The following SLC35F1 variants were observed in gnomAD, a reference collection of about 807,000 sequenced individuals.
SLC35F1 encodes the protein chromosome 6 open reading frame 169.
A neutral mutation model predicts 48.7 loss-of-function variants in SLC35F1; 14 were observed. The observed-to-expected ratio is 0.29, with a 90% confidence interval of 0.19 to 0.45. SLC35F1 has a LOEUF of 0.45. Among genes scored for constraint, SLC35F1 ranks in the 20% least tolerant of loss-of-function variants. The pLI is 1.00. For missense variants in SLC35F1, 404 were observed against 500.0 expected (o/e 0.81, Z 1.83); for synonymous variants, 190 against 202.2 (o/e 0.94, Z 0.51).
intron 1 of SLC35F1, among the ~76,000 whole-genome samples, chr6:117,987,889 C>T (rs1369027619): frequency 6.6e-6 from 1 of 152,038 alleles, no homozygotes; most frequent in African/African-American, 2.4e-5. Flanking sequence ...ATTTTGCAGT[C>T]CAGGCAGTGA....
chr6:118,243,843 A>G (rs184686912), intron 3 of SLC35F1, among the ~76,000 whole-genome samples: 407 of 152,304 alleles, frequency 2.7e-3, no homozygotes, highest in Non-Finnish European at 4.6e-3. Context: ...TGCTGTTTTT[A>G]CCTGTCCCTG....
intron 1 of SLC35F1, among the ~76,000 whole-genome samples, chr6:118,009,106 A>C (rs747735659): frequency 2.0e-5 from 3 of 152,066 alleles, no homozygotes; most frequent in Non-Finnish European, 4.4e-5. Context: ...TACTCTGGTG[A>C]TTTTGGTGTG....
chr6:117,928,228 G>A (rs1392935074), intron 1 of SLC35F1, among the ~76,000 whole-genome samples: 2 of 152,104 alleles, frequency 1.3e-5, no homozygotes, highest in African/African-American at 4.8e-5. Context: ...ATATAGAACT[G>A]CCATTCACAG....
At chr6:117,965,881 T>A (rs139289538) in intron 1 of SLC35F1, among the ~76,000 whole-genome samples, 409 of 152,080 alleles carry the variant, frequency 2.7e-3, no homozygotes, top group African/African-American at 9.5e-3. Context: ...GCGCTATGTC[T>A]AACTGATCGG....
chr6:118,082,281 GTTTAGT>G (rs931549970), intron 1 of SLC35F1, among the ~76,000 whole-genome samples: 1 of 152,164 alleles, frequency 6.6e-6, no homozygotes, highest in Non-Finnish European at 1.5e-5. Flanking sequence ...TAAGAACAAA[GTTTAGT>G]TTTAAAGATG....
chr6:118,219,105 A>G (rs1322706350), intron 2 of SLC35F1, among the ~76,000 whole-genome samples: 2 of 152,200 alleles, frequency 1.3e-5, no homozygotes, highest in African/African-American at 4.8e-5. Context: ...GAGCTGACTC[A>G]CTAGTGCCAC....
chr6:118,067,123 A>G (rs1052920645), intron 1 of SLC35F1, among the ~76,000 whole-genome samples: 3 of 152,210 alleles, frequency 2.0e-5, no homozygotes, highest in African/African-American at 7.2e-5. Flanking sequence ...GTGCACAATT[A>G]TTTGTGAAAG....
At chr6:118,104,461 CA>C (rs1210021533) in intron 1 of SLC35F1, among the ~76,000 whole-genome samples, 1 of 152,122 alleles carries the variant, frequency 6.6e-6, no homozygotes, top group East Asian at 1.9e-4. Context: ...AGCACAGTGA[CA>C]AACACAGTAA....
At chr6:118,223,434 A>G (rs188842946) in intron 2 of SLC35F1, among the ~76,000 whole-genome samples, 52 of 152,328 alleles carry the variant, frequency 3.4e-4, no homozygotes, top group Admixed American at 1.6e-3. Flanking sequence ...CATTTTATAA[A>G]TAGTAGACTT....
At chr6:118,111,297 T>C (rs1773396153) in intron 1 of SLC35F1, among the ~76,000 whole-genome samples, 1 of 152,138 alleles carries the variant, frequency 6.6e-6, no homozygotes, top group Admixed American at 6.6e-5. Context: ...TATATCATAT[T>C]CACACTGCAG....
chr6:118,027,940 G>A (rs868656966), intron 1 of SLC35F1, among the ~76,000 whole-genome samples: 1 of 151,992 alleles, frequency 6.6e-6, no homozygotes, highest in Non-Finnish European at 1.5e-5. Context: ...CCTAACCCAA[G>A]GGGATTACAA....
At chr6:118,112,155 T>C in intron 1 of SLC35F1, among the ~76,000 whole-genome samples, 1 of 149,678 alleles carries the variant, frequency 6.7e-6, no homozygotes, top group Non-Finnish European at 1.5e-5. Context: ...TTTGAGACGG[T>C]GTCTTGTTCT....
At chr6:118,309,324 C>T (rs181368260) in intron 7 of SLC35F1, among the ~76,000 whole-genome samples, 49 of 152,048 alleles carry the variant, frequency 3.2e-4, no homozygotes, top group Admixed American at 3.0e-3. Flanking sequence ...TACAGGCATG[C>T]ATTACCACAC....
intron 2 of SLC35F1, among the ~76,000 whole-genome samples, chr6:118,182,286 G>A (rs535188163): frequency 2.2e-3 from 337 of 151,734 alleles, no homozygotes; most frequent in Non-Finnish European, 3.4e-3. Flanking sequence ...AGGAACTCGA[G>A]ACCAGCATGG....
intron 2 of SLC35F1, among the ~76,000 whole-genome samples, chr6:118,179,878 C>T (rs1774547324): frequency 6.6e-6 from 1 of 152,138 alleles, no homozygotes; most frequent in East Asian, 1.9e-4. Context: ...TGTTCTAGAA[C>T]CTGGGTTTTA....
At chr6:118,115,858 T>C (rs1423614136) in intron 1 of SLC35F1, among the ~76,000 whole-genome samples, 2 of 152,236 alleles carry the variant, frequency 1.3e-5, no homozygotes, top group Non-Finnish European at 2.9e-5. Context: ...TCATATCCAA[T>C]ATACATTTGG....
intron 1 of SLC35F1, among the ~76,000 whole-genome samples, chr6:118,037,360 G>A (rs895193255): frequency 6.6e-6 from 1 of 151,916 alleles, no homozygotes; most frequent in Non-Finnish European, 1.5e-5. Context: ...TTGGATATGG[G>A]TTTACATTTT....
At chr6:118,129,871 A>G (rs1407896727) in intron 1 of SLC35F1, among the ~76,000 whole-genome samples, 3 of 152,180 alleles carry the variant, frequency 2.0e-5, no homozygotes, top group Non-Finnish European at 2.9e-5. Context: ...AGTAGCTGTA[A>G]AAGCCATATG....
At chr6:118,142,244 CATT>C (rs1382980518) in intron 1 of SLC35F1, among the ~76,000 whole-genome samples, 2 of 152,106 alleles carry the variant, frequency 1.3e-5, no homozygotes, top group Non-Finnish European at 2.9e-5. Context: ...GCCCCCTCAT[CATT>C]GTCTTTTTTA....
Sources: gnomAD v4.1 joint callset for allele counts (sites outside exome capture counted in the v4.1 genomes callset) on GRCh38, gnomAD v4.1.1 for gene constraint, MANE v1.5 for transcripts, NCBI Gene and HGNC (gene_info 2026-07-23, HGNC 2026-07-21) for gene names.